RYR2: variants seen among roughly 807,000 people sequenced by gnomAD.
RYR2 encodes cardiac muscle ryanodine receptor-calcium release channel.
A neutral mutation model predicts 601.1 loss-of-function variants in RYR2; 227 were observed. The ratio of observed to expected loss-of-function variants is 0.38; its 90% CI spans 0.34 to 0.42. RYR2 has a LOEUF of 0.42. RYR2 is among the 10% of genes least tolerant of loss of function. The probability of loss-of-function intolerance (pLI) is 1.00; values close to 1 mark genes in which losing one functional copy is unlikely to be tolerated. For synonymous variants in RYR2, 2,223 were observed against 2,175.1 expected (o/e 1.02, Z -0.61); for missense variants, 4,646 against 6,156.5 (o/e 0.75, Z 8.21).
chr1:237,759,277 G>A (rs539067133), intron 82 of RYR2, among the ~76,000 whole-genome samples: 11 of 152,118 alleles, frequency 7.2e-5, no homozygotes, highest in African/African-American at 1.9e-4. Context: ...TAGTAGAGAC[G>A]GGGTTTCACT....
At chr1:237,321,959 G>C (rs1695668959) in intron 2 of RYR2, among the ~76,000 whole-genome samples, 1 of 152,064 alleles carries the variant, frequency 6.6e-6, no homozygotes, top group East Asian at 1.9e-4. Flanking sequence ...TGGACTATAG[G>C]GCAGGCTGGT....
chr1:237,111,342 T>G (rs1669439572), intron 1 of RYR2, among the ~76,000 whole-genome samples: 1 of 152,050 alleles, frequency 6.6e-6, no homozygotes. Flanking sequence ...ACAATACCCT[T>G]ATTGGGAGGC....
intron 1 of RYR2, 44 bp from the exon 2 acceptor site, chr1:237,270,453 G>C: frequency 6.4e-7 from 1 of 1,552,900 alleles, no homozygotes; most frequent in Middle Eastern, 1.7e-4. Context: ...GTGCAGTCAT[G>C]TCACGTCTCA....
At chr1:237,469,258 CAAAAAA>C (rs66912945) in intron 17 of RYR2, 71 bp downstream of exon 17, 80 of 112,180 alleles carry the variant, frequency 7.1e-4, no homozygotes, top group South Asian at 1.7e-3. Flanking sequence ...TCCTTTAAGA[CAAAAAA>C]AAAAAAAAAA....
chr1:237,511,494 G>A lies in RYR2; in HGVS notation c.2719-194G>A, dbSNP rs892904489. On this transcript the variant is annotated intron_variant, in intron 23 of 104. Transcript: ENST00000366574. ...CTCTGTCAAACAGAAGGGAAGGAACGAAGATAATGCCAGCTTTTACCAGTG... is the reference window on the plus strand; with the variant it reads ...CTCTGTCAAACAGAAGGGAAGGAACAAAGATAATGCCAGCTTTTACCAGTG... Among the ~76,000 whole-genome samples the A allele has an allele frequency of 3.6e-4, 55 of 152,026 alleles. 1 individual carries two copies. Among genetic ancestry groups the A allele is most frequent in the Non-Finnish European group, 6.9e-4 (47 of 67,996 alleles).
intron 17 of RYR2, among the ~76,000 whole-genome samples, chr1:237,482,615 T>C (rs1662241970): frequency 6.6e-6 from 1 of 152,172 alleles, no homozygotes; most frequent in South Asian, 2.1e-4. Flanking sequence ...GACGGACATT[T>C]AGGTTGCTTC....
chr1:237,142,727 C>T (rs1420804982), intron 1 of RYR2, among the ~76,000 whole-genome samples: 1 of 152,186 alleles, frequency 6.6e-6, no homozygotes, highest in African/African-American at 2.4e-5. Flanking sequence ...CACAGAGGGA[C>T]CGCTAAGCCC....
intron 1 of RYR2, among the ~76,000 whole-genome samples, chr1:237,082,086 A>G (rs1665760918): frequency 6.6e-6 from 1 of 152,174 alleles, no homozygotes; most frequent in African/African-American, 2.4e-5. Context: ...TCAGTTTGCT[A>G]TGATCTGGTG....
intron 100 of RYR2, among the ~76,000 whole-genome samples, chr1:237,815,190 G>C (rs1661683010): frequency 6.6e-6 from 1 of 152,008 alleles, no homozygotes; most frequent in Non-Finnish European, 1.5e-5. Context: ...TCATTACTCA[G>C]ATTGTCTGAA....
intron 14 of RYR2, among the ~76,000 whole-genome samples, chr1:237,450,036 G>T (rs1657894792): frequency 6.6e-6 from 1 of 152,094 alleles, no homozygotes; most frequent in Admixed American, 6.6e-5. Context: ...ATTGAGACAA[G>T]ACCCTCTGAA....
At chr1:237,470,662 A>G (rs1475466544) in intron 17 of RYR2, among the ~76,000 whole-genome samples, 1 of 152,230 alleles carries the variant, frequency 6.6e-6, no homozygotes, top group African/African-American at 2.4e-5. Flanking sequence ...TGTAACTTCT[A>G]GCATAAAGAA....
intron 2 of RYR2, among the ~76,000 whole-genome samples, chr1:237,298,567 A>G (rs1693036772): frequency 1.3e-5 from 2 of 152,116 alleles, no homozygotes; most frequent in South Asian, 2.1e-4. Context: ...CCTTGGCTCT[A>G]TTAGCTTCAT....
chr1:237,182,738 T>G (rs1175863026), intron 1 of RYR2, among the ~76,000 whole-genome samples: 1 of 151,998 alleles, frequency 6.6e-6, no homozygotes, highest in Non-Finnish European at 1.5e-5. Flanking sequence ...ATTATAATAG[T>G]TTTTCTGGTT....
chr1:237,676,840 A>T (rs182541002), intron 60 of RYR2, among the ~76,000 whole-genome samples: 9 of 152,222 alleles, frequency 5.9e-5, no homozygotes, highest in African/African-American at 1.7e-4. Flanking sequence ...CATTTTTTTT[A>T]AATGTAGTAA....
chr1:237,356,929 T>C (rs927511983), intron 4 of RYR2, among the ~76,000 whole-genome samples: 1 of 152,166 alleles, frequency 6.6e-6, no homozygotes, highest in African/African-American at 2.4e-5. Context: ...GATGGCTTTA[T>C]TTTATCTTCA....
At chr1:237,672,012 T>C (rs976983550) in intron 58 of RYR2, among the ~76,000 whole-genome samples, 3 of 152,140 alleles carry the variant, frequency 2.0e-5, no homozygotes, top group Middle Eastern at 3.2e-3. Context: ...TGCTCACTCA[T>C]TTACCTCTCC....
Position 237,625,698 on chromosome 1 carries a change from C to G in RYR2, c.6060C>G (p.Asn2020Lys). Reference sequence around the variant, plus strand: ...ATGAAGATGGGTCTCTGGATGGAAACAGTGATTTAACAATTAGAGGGCGTC... The same window carrying G: ...ATGAAGATGGGTCTCTGGATGGAAAGAGTGATTTAACAATTAGAGGGCGTC... ...ELDEDGSLDG[N>K]SDLTIRGRLL... is the part of the protein sequence containing the mutation. The change falls in exon 40 of 105, where the codon AAC becomes AAG. Residue 2020 changes from asparagine (N) to lysine (K), a missense_variant. Transcript: ENST00000366574. 6.2e-7 allele frequency: 1 copy of G among 1,613,578 alleles called. No individual in the cohort carries two copies. Among genetic ancestry groups the G allele is most frequent in the Non-Finnish European group, 8.5e-7 (1 of 1,179,786 alleles).
intron 71 of RYR2, among the ~76,000 whole-genome samples, chr1:237,713,965 T>G (rs1341914296): frequency 1.3e-5 from 2 of 152,008 alleles, no homozygotes; most frequent in Non-Finnish European, 2.9e-5. Context: ...GTAGGCTATT[T>G]CATTGTGGGA....
intron 100 of RYR2, among the ~76,000 whole-genome samples, chr1:237,812,896 T>TG (rs1491421502): frequency 4.6e-4 from 9 of 19,564 alleles, no homozygotes; most frequent in African/African-American, 2.8e-3. Context: ...ATGTATAAGT[T>TG]TTTTTTTTTT....
Sources: gnomAD v4.1 joint callset for allele counts (sites outside exome capture counted in the v4.1 genomes callset) on GRCh38, gnomAD v4.1.1 for gene constraint, MANE v1.5 for transcripts, NCBI Gene and HGNC (gene_info 2026-07-23, HGNC 2026-07-21) for gene names.